Variants in SLC25A48 observed in about 807,000 individuals in gnomAD.
The protein encoded by SLC25A48 is solute carrier family 25 member 48.
SLC25A48 carries 29 observed loss-of-function variants against 32.2 expected under a neutral mutation model. The observed-to-expected ratio is 0.90, with a 90% CI of 0.67 to 1.23. SLC25A48 has a LOEUF of 1.23. Among genes scored for constraint, SLC25A48 ranks in the 50% most tolerant of loss-of-function variants. SLC25A48 has a pLI of 0.00. For missense variants in SLC25A48, 399 were observed against 422.7 expected (o/e 0.94, Z 0.49); for synonymous variants, 164 against 172.3 (o/e 0.95, Z 0.38).
rs751770619 is a variant in SLC25A48, at chr5:135,871,566, G to A, written c.527G>A (p.Gly176Glu). Residue 176 changes from glycine (G) to glutamate (E), a missense_variant, in exon 5 of 8, where the codon GGG becomes GAG. Gly to Glu is a moderately conservative substitution (Grantham distance 98). Coordinates refer to ENST00000681962, the MANE Select transcript of SLC25A48 (RefSeq NM_001349336.2). ...ATTGTGAGGAATGAGGGCCTGGCGG[G>A]GCTATACCGGGGGGCCAGTGCCATG... ...TTIVRNEGLA[G>E]LYRGASAMLL... 2.5e-6 allele frequency: 4 copies of A among 1,614,192 alleles called. No homozygotes were observed. The highest frequency in any genetic ancestry group is 3.4e-6 in the Non-Finnish European group (4 of 1,180,022).
chr5:135,755,685 T>C (rs1285750075), intron 3 of SLC25A48, among the ~76,000 whole-genome samples: 1 of 152,026 alleles, frequency 6.6e-6, no homozygotes, highest in Non-Finnish European at 1.5e-5. Context: ...TAATTAAATA[T>C]TGCTGTGGTA....
chr5:135,611,719 C>T (rs1220846113), intron 1 of SLC25A48, among the ~76,000 whole-genome samples: 1 of 151,810 alleles, frequency 6.6e-6, no homozygotes, highest in African/African-American at 2.4e-5. Context: ...CTCAAAAAGA[C>T]ACAAACAAAC....
chr5:135,590,866 T>G (rs983442218), intron 1 of SLC25A48, among the ~76,000 whole-genome samples: 2 of 152,274 alleles, frequency 1.3e-5, no homozygotes, highest in African/African-American at 2.4e-5. Flanking sequence ...ACAACATCTC[T>G]TTGAGTTCTC....
At chr5:135,859,991 C>G (rs1256366395) in intron 4 of SLC25A48, among the ~76,000 whole-genome samples, 1 of 152,152 alleles carries the variant, frequency 6.6e-6, no homozygotes, top group Admixed American at 6.5e-5. Context: ...CTCCTCCATA[C>G]CTTAGCAGAA....
At chr5:135,834,249 C>T (rs1246964943), upstream of SLC25A48, among the ~76,000 whole-genome samples, 1 of 152,164 alleles carries the variant, frequency 6.6e-6, no homozygotes, top group East Asian at 1.9e-4. Context: ...GAGCTGGGCC[C>T]CTAGAGAGCT....
chr5:135,650,663 G>T (rs1187340419), intron 3 of SLC25A48: 3 of 322,232 alleles, frequency 9.3e-6, no homozygotes, highest in South Asian at 2.3e-5. Context: ...ATGAGAGAAG[G>T]TGCTCATTTC....
Position 135,775,585 on chromosome 5 carries a change from A to C in SLC25A48, c.-520-36938A>C, listed in dbSNP as rs1756534240. On this transcript the variant is annotated intron_variant, in intron 3 of 10. Coordinates refer to the SLC25A48 transcript ENST00000646290. Reference sequence around the variant, plus strand: ...TGTTCCTAATATCTGGTGGGGGGGAAATAATAGTAATCTTAATAACGCAGG... The same window carrying C: ...TGTTCCTAATATCTGGTGGGGGGGACATAATAGTAATCTTAATAACGCAGG... Among the ~76,000 whole-genome samples the C allele has an allele frequency of 2.6e-5, 4 of 151,294 alleles. No individual in the cohort carries two copies. The South Asian group carries it at 6.2e-4, about 24-fold the overall frequency.
At chr5:135,833,202 G>A (rs1269786044), upstream of SLC25A48, among the ~76,000 whole-genome samples, 1 of 152,268 alleles carries the variant, frequency 6.6e-6, no homozygotes, top group Non-Finnish European at 1.5e-5. Context: ...ATTTTGGAAA[G>A]CAACCCACTC....
At chr5:135,857,759 A>G (rs1169516518) in intron 4 of SLC25A48, among the ~76,000 whole-genome samples, 1 of 152,142 alleles carries the variant, frequency 6.6e-6, no homozygotes, top group African/African-American at 2.4e-5. Flanking sequence ...CTGGGAGGAA[A>G]GCCTGGAGGT....
At chr5:135,644,071 A>G (rs140551226) in intron 3 of SLC25A48, among the ~76,000 whole-genome samples, 3 of 152,292 alleles carry the variant, frequency 2.0e-5, no homozygotes, top group African/African-American at 7.2e-5. Context: ...ACACTGTGCT[A>G]TGGAGGGGCC....
rs1760467590 is a variant in SLC25A48 at position 135,857,928 on chromosome 5, C to T, written c.421+5107C>T. On this transcript the variant is annotated intron_variant, in intron 4 of 7. Transcript: ENST00000681962. Reference sequence around the variant, plus strand: ...AGGGCCTTAAAGGGCCCTTTACCACCTGGCACCTGTCCTTAAAGGGCCCTG... The same window carrying T: ...AGGGCCTTAAAGGGCCCTTTACCACTTGGCACCTGTCCTTAAAGGGCCCTG... Among the ~76,000 whole-genome samples, 3 of 152,124 alleles carry T rather than the reference C, an allele frequency of 2.0e-5. No individual in the cohort carries two copies. The South Asian group carries it at 6.2e-4, about 31-fold the overall frequency.
intron 3 of SLC25A48, among the ~76,000 whole-genome samples, chr5:135,737,260 G>T (rs1404283071): frequency 6.6e-6 from 1 of 152,000 alleles, no homozygotes; most frequent in Admixed American, 6.6e-5. Flanking sequence ...TGTCAAAGGG[G>T]GTTGTTCTCT....
In SLC25A48 at chr5:135,769,259, TG is replaced by T. The variant is rs1554073333; in HGVS notation, c.-520-43256del. On this transcript the variant is annotated intron_variant, in intron 3 of 10. Transcript: ENST00000646290. ...CCCTCTGTAATTTTGTTTGCAATAT[TG>T]GGGGGGGAGAATGATATTACTGACA... 5.8e-5 allele frequency among the ~76,000 whole-genome samples: 6 copies of T among 104,266 alleles called. No homozygotes were observed. In the South Asian group the frequency reaches 1.2e-3, roughly 22 times the overall value. 68.4% of individuals were successfully genotyped at this position (104,266 alleles called of 152,430 possible).
intron 3 of SLC25A48, among the ~76,000 whole-genome samples, chr5:135,799,281 T>A (rs570481281): frequency 6.6e-6 from 1 of 151,802 alleles, no homozygotes; most frequent in African/African-American, 2.4e-5. Context: ...AGGATAATAT[T>A]ACTACCAATA....
chr5:135,830,796 G>A (rs1296759904), upstream of SLC25A48, among the ~76,000 whole-genome samples: 1 of 152,152 alleles, frequency 6.6e-6, no homozygotes, highest in Non-Finnish European at 1.5e-5. Context: ...TTAATCCTTT[G>A]AACTCGGTCC....
chr5:135,730,988 GCTGT>G (rs1755207396), intron 3 of SLC25A48, among the ~76,000 whole-genome samples: 1 of 152,216 alleles, frequency 6.6e-6, no homozygotes, highest in African/African-American at 2.4e-5. Flanking sequence ...CACAGGGCCT[GCTGT>G]GGAGTTTCAC....
At chr5:135,881,793 T>G (rs1008932172) in intron 7 of SLC25A48, among the ~76,000 whole-genome samples, 1 of 152,266 alleles carries the variant, frequency 6.6e-6, no homozygotes, top group African/African-American at 2.4e-5. Flanking sequence ...TTGTTGTTAT[T>G]CTTCCAAGTA....
chr5:135,801,516 A>C (rs1335098906), intron 3 of SLC25A48, among the ~76,000 whole-genome samples: 2 of 150,372 alleles, frequency 1.3e-5, no homozygotes, highest in Non-Finnish European at 3.0e-5. Flanking sequence ...TGTTGTTAAT[A>C]ATATTCAGTG....
chr5:135,791,492 G>T (rs993164862), intron 3 of SLC25A48, among the ~76,000 whole-genome samples: 2 of 151,636 alleles, frequency 1.3e-5, no homozygotes, highest in African/African-American at 2.4e-5. Context: ...CTAGGGAGAT[G>T]TTACTCCTAA....
Sources: gnomAD v4.1 joint callset for allele counts (sites outside exome capture counted in the v4.1 genomes callset) on GRCh38, gnomAD v4.1.1 for gene constraint, MANE v1.5 for transcripts, NCBI Gene and HGNC (gene_info 2026-07-23, HGNC 2026-07-21) for gene names.